The following GSG1L2 variants were observed in gnomAD, a reference collection of about 807,000 sequenced individuals.
The protein encoded by GSG1L2 is germ cell-specific gene 1-like protein 2.
GSG1L2 carries 15 observed loss-of-function variants against 9.0 expected under a neutral mutation model. The ratio of observed to expected loss-of-function variants is 1.67; its 90% CI spans 1.12 to 2.57. The LOEUF is 2.57. Among genes scored for constraint, GSG1L2 ranks in the 30% most tolerant of loss-of-function variants. The probability of loss-of-function intolerance (pLI) is 0.00; values close to 1 mark genes in which losing one functional copy is unlikely to be tolerated. For synonymous variants in GSG1L2, 127 were observed against 57.9 expected, an observed-to-expected ratio of 2.19 and a Z score of -5.41; for missense variants, 286 against 150.3, an observed-to-expected ratio of 1.90 and a Z score of -4.72.
chr17:9,808,400 TATTTA>T (rs1324231080), intron 3 of GSG1L2, among the ~76,000 whole-genome samples: 2 of 152,204 alleles, frequency 1.3e-5, no homozygotes, highest in Non-Finnish European at 2.9e-5. Flanking sequence ...GGTGCACTCT[TATTTA>T]GTCATCGCCA....
chr17:9,801,340 T>C lies in GSG1L2; in HGVS notation c.*1046A>G, dbSNP rs544866753. ...TCCCTGCCTCAGCCTCCTGAGTAGC[T>C]GGGATTACAGACATGTGCCACCATG... On this transcript the variant is annotated 3_prime_UTR_variant, in exon 5 of 5. Coordinates refer to ENST00000399363, the MANE Select transcript of GSG1L2 (RefSeq NM_001310219.2). Among the ~76,000 whole-genome samples, 21 of 151,938 alleles carry C rather than the reference T, an allele frequency of 1.4e-4. No homozygotes were observed. Among genetic ancestry groups the C allele is most frequent in the Non-Finnish European group, 2.9e-4 (20 of 67,992 alleles).
At position 9,802,539 on chromosome 17, in the gene GSG1L2, G is replaced by A. The variant is rs1011078004; in HGVS notation, c.729C>T (p.Asn243=). Residue 243 remains asparagine (N), a synonymous_variant, in exon 5 of 5, where the codon AAC becomes AAT. Coordinates refer to ENST00000399363, the MANE Select transcript of GSG1L2 (RefSeq NM_001310219.2). Reference sequence around the variant, plus strand: ...AGCTGTGTTGAGAGTGCCGACTGCCGTTCTGTGCCTGCTGCTTCTCGGTGA... The same window carrying A: ...AGCTGTGTTGAGAGTGCCGACTGCCATTCTGTGCCTGCTGCTTCTCGGTGA... ...LEFTEKQQAQ[N]GSRHSQHSFL... 6 of 702,582 alleles carry A rather than the reference G, an allele frequency of 8.5e-6. No individual in the cohort carries two copies. Among genetic ancestry groups the A allele is most frequent in the Admixed American group, 2.0e-5 (1 of 49,960 alleles). 43.5% of individuals were successfully genotyped at this position (702,582 alleles called of 1,614,324 possible). A position where few individuals can be genotyped will look rare whatever the true frequency, so the allele number is the denominator to read the frequency against.
Position 9,808,988 on chromosome 17 carries a change from A to G in GSG1L2, c.359-6T>C. ...GATGGACAGCCACAAAACACCTGCC[A>G]AAGAACGGGATGTTGGAAACGCTGG... On this transcript the variant is annotated splice_polypyrimidine_tract_variant and splice_region_variant and intron_variant, in intron 2 of 4. Coordinates refer to ENST00000399363, the MANE Select transcript of GSG1L2 (RefSeq NM_001310219.2). The G allele has an allele frequency of 2.8e-6, 2 of 703,052 alleles. No homozygotes were observed. The highest frequency in any genetic ancestry group is 5.2e-6 in the Non-Finnish European group (2 of 384,982). The allele number at this position is 703,052 out of a possible 1,614,324, so 43.6% of individuals were successfully genotyped here.
chr17:9,801,585 A>T lies in GSG1L2; in HGVS notation c.*801T>A, dbSNP rs2066497054. ...GGCCTGAATAACATGGTAGCTGGAC[A>T]TGGGATGAATTGATACAATATTGCA... is the stretch of plus-strand genomic sequence containing the variant. On this transcript the variant is annotated 3_prime_UTR_variant, in exon 5 of 5. Transcript: ENST00000399363. Among the ~76,000 whole-genome samples, 1 of 152,206 alleles carries T rather than the reference A, an allele frequency of 6.6e-6. No individual in the cohort carries two copies. Among genetic ancestry groups the T allele is most frequent in the Admixed American group, 6.5e-5 (1 of 15,286 alleles).
chr17:9,821,765 C>T lies in GSG1L2; in HGVS notation c.307G>A (p.Glu103Lys). Residue 103 changes from glutamate to lysine, a missense_variant, in exon 1 of 5, where the codon GAA (glutamate) becomes AAA (lysine). Physicochemically the swap from Glu to Lys is moderately conservative, Grantham distance 56. Coordinates refer to ENST00000399363, the MANE Select transcript of GSG1L2 (RefSeq NM_001310219.2). ...AGAATCTACAGGCTTTGCTCACCTT[C>T]ACCGTTGAGGCTCTCCTCGCAGGAC... ...WQSCEESLNG[E>K]DEKCRSFRSV... 1 of 703,036 alleles carries T rather than the reference C, an allele frequency of 1.4e-6. No individual in the cohort carries two copies. Among genetic ancestry groups the T allele is most frequent in the South Asian group, 1.5e-5 (1 of 67,596 alleles). 43.5% of individuals were successfully genotyped at this position (703,036 alleles called of 1,614,324 possible). A position where few individuals can be genotyped will look rare whatever the true frequency, so the allele number is the denominator to read the frequency against.
chr17:9,821,594 T>C (rs2066589797), intron 1 of GSG1L2, among the ~76,000 whole-genome samples, 168 bp downstream of exon 1: 1 of 151,936 alleles, frequency 6.6e-6, no homozygotes, highest in Admixed American at 6.5e-5. Context: ...ACCTAGACAA[T>C]CAGTGGAGAT....
chr17:9,811,979 GTCACTTATCACTTA>G (rs55847131), intron 1 of GSG1L2, among the ~76,000 whole-genome samples: 4 of 151,744 alleles, frequency 2.6e-5, no homozygotes, highest in East Asian at 2.0e-4. Context: ...CCAACCAATA[GTCACTTATCACTTA>G]TCACTTATCA....
At chr17:9,805,824 G>C (rs1269624336) in intron 4 of GSG1L2, among the ~76,000 whole-genome samples, 1 of 152,150 alleles carries the variant, frequency 6.6e-6, no homozygotes, top group African/African-American at 2.4e-5. Context: ...AACCTGCCCT[G>C]CTTGCTTTTG....
intron 1 of GSG1L2, among the ~76,000 whole-genome samples, chr17:9,813,099 A>T (rs1237328706): frequency 6.6e-6 from 1 of 152,174 alleles, no homozygotes; most frequent in Non-Finnish European, 1.5e-5. Flanking sequence ...AGGGGACACA[A>T]ATATCCAGTC....
In GSG1L2 at chr17:9,820,596, C is replaced by T. The variant is rs1567712377; in HGVS notation, c.310+1166G>A. ...GGAGGTTCAGTCAGGCTGGGTACTG[C>T]CCCACATTGGCCACCACTGGGAGAG... On this transcript the variant is annotated intron_variant, in intron 1 of 4. Coordinates refer to ENST00000399363, the MANE Select transcript of GSG1L2 (RefSeq NM_001310219.2). The surrounding 1 kb of genome is among the most constrained non-coding windows in gnomAD (Gnocchi z 4.9). Among the ~76,000 whole-genome samples, 1 of 151,820 alleles carries T rather than the reference C, an allele frequency of 6.6e-6. No homozygotes were observed. Among genetic ancestry groups the T allele is most frequent in the Non-Finnish European group, 1.5e-5 (1 of 68,016 alleles).
chr17:9,805,044 C>G (rs1372318346), intron 4 of GSG1L2: 1 of 151,590 alleles, frequency 6.6e-6, no homozygotes, highest in Admixed American at 6.6e-5. Flanking sequence ...GGCTGGAAGA[C>G]AAGTAGAGAA....
At position 9,820,960 on chromosome 17, in the gene GSG1L2, G is replaced by A. The variant is rs2066587144; in HGVS notation, c.310+802C>T. Among the ~76,000 whole-genome samples, 1 of 152,206 alleles carries A rather than the reference G, an allele frequency of 6.6e-6. No individual in the cohort carries two copies. The highest frequency in any genetic ancestry group is 2.1e-4 in the South Asian group (1 of 4,828). ...TTATAGGAATGAGCCACCAGGCTGG[G>A]CCTCAGGGGCTTCATTCTTGTTGCC... On this transcript the variant is annotated intron_variant, in intron 1 of 4. Transcript: ENST00000399363. The surrounding 1 kb of genome is among the most constrained non-coding windows in gnomAD (Gnocchi z 4.9).
chr17:9,809,238 T>C, intron 2 of GSG1L2: 3 of 466,894 alleles, frequency 6.4e-6, no homozygotes, highest in South Asian at 4.2e-5. Context: ...AAAACCCTGC[T>C]GTGAGGATAT....
chr17:9,818,149 C>T (rs1396555298), intron 1 of GSG1L2, among the ~76,000 whole-genome samples: 1 of 152,116 alleles, frequency 6.6e-6, no homozygotes, highest in Non-Finnish European at 1.5e-5. Flanking sequence ...TTTTAATTGG[C>T]TCACGGTTCT....
chr17:9,807,636 A>T (rs759667052), intron 3 of GSG1L2, 35 bp from the exon 4 acceptor site: 1 of 703,110 alleles, frequency 1.4e-6, no homozygotes, highest in South Asian at 1.5e-5. Flanking sequence ...CACAGCTAAG[A>T]AGACACATGA....
In GSG1L2 at chr17:9,820,749, A is replaced by G. The variant is rs1473883899; in HGVS notation, c.310+1013T>C. Among the ~76,000 whole-genome samples, 1 of 151,350 alleles carries G rather than the reference A, an allele frequency of 6.6e-6. No individual in the cohort carries two copies. Among genetic ancestry groups the G allele is most frequent in the Non-Finnish European group, 1.5e-5 (1 of 67,838 alleles). ...ACGATGATGACTCACTGCAGCCTCAACCTCCCAGGCTCAAGTGATCCTCCC... is the reference window on the plus strand; with the variant it reads ...ACGATGATGACTCACTGCAGCCTCAGCCTCCCAGGCTCAAGTGATCCTCCC... On this transcript the variant is annotated intron_variant, in intron 1 of 4. Coordinates refer to ENST00000399363, the MANE Select transcript of GSG1L2 (RefSeq NM_001310219.2). The surrounding 1 kb of genome is among the most constrained non-coding windows in gnomAD (Gnocchi z 4.9).
chr17:9,813,675 A>C (rs1429006675), intron 1 of GSG1L2, among the ~76,000 whole-genome samples: 1 of 152,184 alleles, frequency 6.6e-6, no homozygotes, highest in Non-Finnish European at 1.5e-5. Context: ...GCTGATGCAG[A>C]GCCTTCTCTC....
At chr17:9,818,358 AG>A (rs1397177606) in intron 1 of GSG1L2, among the ~76,000 whole-genome samples, 1 of 151,758 alleles carries the variant, frequency 6.6e-6, no homozygotes, top group Non-Finnish European at 1.5e-5. Context: ...TTTGAGATGG[AG>A]TTTCGCTCTT....
intron 3 of GSG1L2, among the ~76,000 whole-genome samples, chr17:9,808,492 G>A (rs1284046092): frequency 2.0e-5 from 3 of 152,138 alleles, no homozygotes; most frequent in Non-Finnish European, 4.4e-5. Context: ...TTAAGGAGAC[G>A]TCTGCAACTG....
Sources: gnomAD v4.1 joint callset for allele counts (sites outside exome capture counted in the v4.1 genomes callset) on GRCh38, gnomAD v4.1.1 for gene constraint, Gnocchi (gnomAD v3.1) non-coding constraint, MANE v1.5 for transcripts, NCBI Gene and HGNC (gene_info 2026-07-23, HGNC 2026-07-21) for gene names.